Variants in DENND5B observed in about 807,000 individuals in gnomAD.
DENND5B encodes the protein DENN domain containing 5B, also known as DENN domain-containing protein 5B.
In DENND5B, 34 loss-of-function variants were observed where a neutral mutation model predicts 140.6. The ratio of observed to expected loss-of-function variants is 0.24; its 90% CI spans 0.18 to 0.32. The LOEUF is 0.32. Ranked by LOEUF, DENND5B falls within the 10% of genes least tolerant of loss-of-function variation. The probability of loss-of-function intolerance (pLI) is 1.00; values close to 1 mark genes in which losing one functional copy is unlikely to be tolerated. For missense variants in DENND5B, 1,142 were observed against 1,560.2 expected (o/e 0.73, Z 4.52); for synonymous variants, 551 against 562.1 (o/e 0.98, Z 0.28).
intron 1 of DENND5B, among the ~76,000 whole-genome samples, chr12:31,497,674 G>A (rs1299998745): frequency 6.8e-6 from 1 of 146,818 alleles, no homozygotes; most frequent in Non-Finnish European, 1.5e-5. Flanking sequence ...GCTCATGCCT[G>A]TAATCCCAGC....
intron 1 of DENND5B, among the ~76,000 whole-genome samples, chr12:31,519,582 A>T (rs1947800751): frequency 6.6e-6 from 1 of 152,318 alleles, no homozygotes; most frequent in South Asian, 2.1e-4. Context: ...AGTACTCACA[A>T]AAGAAGGCCA....
intron 6 of DENND5B, among the ~76,000 whole-genome samples, chr12:31,447,162 T>C (rs892737902): frequency 5.3e-5 from 8 of 151,422 alleles, no homozygotes; most frequent in Non-Finnish European, 1.2e-4. Context: ...TCCCAGCTAA[T>C]TGGGAGGCAG....
At chr12:31,503,827 C>T (rs1947098271) in intron 1 of DENND5B, among the ~76,000 whole-genome samples, 1 of 152,144 alleles carries the variant, frequency 6.6e-6, no homozygotes, top group Admixed American at 6.5e-5. Context: ...CTGTTTCTGA[C>T]CAGAGACTTT....
intron 14 of DENND5B, among the ~76,000 whole-genome samples, chr12:31,406,851 G>A (rs1056143112): frequency 6.6e-6 from 1 of 152,148 alleles, no homozygotes; most frequent in Admixed American, 6.6e-5. Flanking sequence ...CCAGGCTGGA[G>A]GGCAGTGGTG....
At chr12:31,552,797 A>T (rs1217878668) in intron 1 of DENND5B, among the ~76,000 whole-genome samples, 2 of 152,110 alleles carry the variant, frequency 1.3e-5, no homozygotes, top group African/African-American at 4.8e-5. Context: ...TAGTCTTGGG[A>T]GGATGTATGT....
At chr12:31,420,788 G>A (rs978320915) in intron 11 of DENND5B, among the ~76,000 whole-genome samples, 1 of 152,068 alleles carries the variant, frequency 6.6e-6, no homozygotes, top group African/African-American at 2.4e-5. Flanking sequence ...GATATGTCAA[G>A]AACAGTCTTT....
At chr12:31,470,177 C>T (rs1472702349) in intron 3 of DENND5B, among the ~76,000 whole-genome samples, 9 of 131,076 alleles carry the variant, frequency 6.9e-5, no homozygotes, top group Admixed American at 2.9e-4. Context: ...TGCAATGGTG[C>T]GATCTCGGCT....
intron 11 of DENND5B, among the ~76,000 whole-genome samples, chr12:31,416,696 G>A (rs1371643155): frequency 6.6e-6 from 1 of 151,126 alleles, no homozygotes; most frequent in Non-Finnish European, 1.5e-5. Context: ...AAACTCTTGA[G>A]TGTTTGAAAA....
At chr12:31,487,732 C>T (rs896822280) in intron 2 of DENND5B, among the ~76,000 whole-genome samples, 6 of 151,908 alleles carry the variant, frequency 3.9e-5, no homozygotes, top group African/African-American at 1.2e-4. Context: ...AACAAAAAAC[C>T]CTAAAAACCC....
rs377761446 is a variant in DENND5B at position 31,439,994 on chromosome 12, T to C, written c.2012+2781A>G. Among the ~76,000 whole-genome samples, 22 of 134,222 alleles carry C rather than the reference T, an allele frequency of 1.6e-4. No homozygotes were observed. The East Asian group carries it at 3.2e-3, about 20-fold the overall frequency. The allele number at this position is 134,222 out of a possible 152,430, so 88.1% of individuals were successfully genotyped here. On this transcript the variant is annotated intron_variant, in intron 7 of 20. Transcript: ENST00000389082. ...CTGTTAAACTAATAGTCTATCCAGATCAAAGTGATTCGAACAATTAGGATA... is the reference window on the plus strand; with the variant it reads ...CTGTTAAACTAATAGTCTATCCAGACCAAAGTGATTCGAACAATTAGGATA...
chr12:31,499,530 A>T, intron 1 of DENND5B: 1 of 1,224,770 alleles, frequency 8.2e-7, no homozygotes, highest in Non-Finnish European at 1.1e-6. Context: ...GAATAAAGAA[A>T]CATTTATAAT....
chr12:31,560,617 A>G (rs1347177310), intron 1 of DENND5B, among the ~76,000 whole-genome samples: 1 of 152,134 alleles, frequency 6.6e-6, no homozygotes, highest in East Asian at 1.9e-4. Flanking sequence ...AGGTCTCTCT[A>G]CCCTGTTCAA....
At chr12:31,478,992 T>TA (rs1358468488) in intron 3 of DENND5B, among the ~76,000 whole-genome samples, 1 of 149,866 alleles carries the variant, frequency 6.7e-6, no homozygotes, top group Non-Finnish European at 1.5e-5. Context: ...TTAAAAAACA[T>TA]AAACAAAAAA....
chr12:31,443,786 C>CGGGA (rs1224377092), intron 6 of DENND5B: 1 of 152,084 alleles, frequency 6.6e-6, no homozygotes, highest in Non-Finnish European at 1.5e-5. Flanking sequence ...GTCACGTTCT[C>CGGGA]ATTAGTAGGA....
At chr12:31,451,873 T>C in intron 5 of DENND5B, 67 bp downstream of exon 5, 1 of 1,534,936 alleles carries the variant, frequency 6.5e-7, no homozygotes. Context: ...AATAAAAAAT[T>C]TAAAAATGTT....
intron 1 of DENND5B, among the ~76,000 whole-genome samples, chr12:31,585,250 TG>T (rs1950358465): frequency 6.6e-6 from 1 of 152,194 alleles, no homozygotes; most frequent in Non-Finnish European, 1.5e-5. Context: ...CTCATTAAAA[TG>T]AAGGCTGATC....
intron 1 of DENND5B, among the ~76,000 whole-genome samples, chr12:31,526,512 G>A (rs1948087741): frequency 6.6e-6 from 1 of 152,110 alleles, no homozygotes; most frequent in Non-Finnish European, 1.5e-5. Flanking sequence ...AAATATTCAC[G>A]ATGTGAATGC....
At position 31,457,083 on chromosome 12, in the gene DENND5B, T is replaced by C. The variant is rs183559376; in HGVS notation, c.1092+3111A>G. Among the ~76,000 whole-genome samples, 14 of 152,198 alleles carry C rather than the reference T, an allele frequency of 9.2e-5. No homozygotes were observed. In the East Asian group the frequency reaches 2.7e-3, roughly 29 times the overall value. On this transcript the variant is annotated intron_variant, in intron 4 of 20. Coordinates refer to ENST00000389082, the MANE Select transcript of DENND5B (RefSeq NM_144973.4). ...ACAGAGTGAGACCCTGTCTAAAAAA[T>C]AAAATAAATTATTTCCTCAGAATCT...
At chr12:31,429,166 C>T (rs941036006) in intron 8 of DENND5B, among the ~76,000 whole-genome samples, 1 of 151,800 alleles carries the variant, frequency 6.6e-6, no homozygotes, top group African/African-American at 2.4e-5. Context: ...GCCACCACGC[C>T]CGGCTGTAAT....
Sources: allele counts gnomAD v4.1 joint callset (sites outside exome capture counted in the v4.1 genomes callset), GRCh38; gene constraint gnomAD v4.1.1; transcripts MANE v1.5; gene names NCBI Gene and HGNC (gene_info 2026-07-23, HGNC 2026-07-21).